SPIC: variants seen among roughly 807,000 people sequenced by gnomAD.
SPIC encodes Spi-C transcription factor.
Under a neutral mutation model 16.7 loss-of-function variants are expected in SPIC, and 9 were observed. That is an observed-to-expected ratio of 0.54 (90% confidence interval 0.33 to 0.94). The LOEUF (loss-of-function observed/expected upper bound fraction) is 0.94, where lower values mean the gene tolerates loss of function less well. SPIC is among the 40% of genes least tolerant of loss of function. The probability of loss-of-function intolerance (pLI) is 0.03; values close to 1 mark genes in which losing one functional copy is unlikely to be tolerated. For synonymous variants in SPIC, 97 were observed against 102.9 expected, an observed-to-expected ratio of 0.94 and a Z score of 0.35; for missense variants, 241 against 285.8, an observed-to-expected ratio of 0.84 and a Z score of 1.13.
At chr12:101,485,893 C>T (rs1025526729) in intron 5 of SPIC, among the ~76,000 whole-genome samples, 1 of 152,168 alleles carries the variant, frequency 6.6e-6, no homozygotes, top group Non-Finnish European at 1.5e-5. Flanking sequence ...CTCCTGGGTT[C>T]GAGGGAGAAT....
intron 3 of SPIC, among the ~76,000 whole-genome samples, chr12:101,478,193 A>G (rs1044906563): frequency 6.6e-6 from 1 of 151,396 alleles, no homozygotes; most frequent in South Asian, 2.1e-4. Flanking sequence ...CACCATGCCC[A>G]TCTAATTTTT....
intron 5 of SPIC, among the ~76,000 whole-genome samples, chr12:101,484,660 A>G (rs1230614629): frequency 2.6e-5 from 4 of 151,320 alleles, no homozygotes; most frequent in Admixed American, 2.0e-4. Context: ...AAATAATTAT[A>G]GGCCAGGCAT....
chr12:101,482,674 A>G, intron 4 of SPIC, 118 bp from the exon 5 acceptor site: 1 of 916,832 alleles, frequency 1.1e-6, no homozygotes, highest in East Asian at 2.5e-5. Context: ...GTTGGGGGTA[A>G]TTCCTTTTGC....
intron 4 of SPIC, among the ~76,000 whole-genome samples, chr12:101,482,255 AG>A (rs1218985567): frequency 1.3e-5 from 2 of 149,350 alleles, no homozygotes; most frequent in Non-Finnish European, 3.0e-5. Flanking sequence ...AAAATTGTAG[AG>A]GTGGGGTCTC....
chr12:101,480,821 A>C (rs1433026007), intron 4 of SPIC, among the ~76,000 whole-genome samples: 1 of 151,946 alleles, frequency 6.6e-6, no homozygotes, highest in Non-Finnish European at 1.5e-5. Context: ...ACCCTGTCTC[A>C]AAAAAAAATT....
chr12:101,476,371 T>G (rs1236335469), intron 1 of SPIC, among the ~76,000 whole-genome samples: 2 of 152,164 alleles, frequency 1.3e-5, no homozygotes, highest in Admixed American at 6.5e-5. Context: ...ATTTGCAATA[T>G]AAGTCCAATT....
At chr12:101,482,998 C>A in intron 5 of SPIC, 98 bp downstream of exon 5, 1 of 1,044,172 alleles carries the variant, frequency 9.6e-7, no homozygotes, top group South Asian at 1.5e-5. Context: ...ATTGAATTTG[C>A]AAAATATTCT....
chr12:101,480,428 G>C (rs1257834932), intron 4 of SPIC, among the ~76,000 whole-genome samples: 1 of 152,166 alleles, frequency 6.6e-6, no homozygotes, highest in Non-Finnish European at 1.5e-5. Flanking sequence ...AGTGTTATCT[G>C]CATGTATTGG....
chr12:101,475,590 G>A (rs1034215055), intron 1 of SPIC, 88 bp downstream of exon 1: 6 of 151,988 alleles, frequency 3.9e-5, no homozygotes, highest in Admixed American at 1.3e-4. Flanking sequence ...CACTGTCTGC[G>A]TGTTCAGATG....
intron 4 of SPIC, among the ~76,000 whole-genome samples, chr12:101,479,984 CT>C (rs1237288330): frequency 6.6e-6 from 1 of 151,920 alleles, no homozygotes; most frequent in Non-Finnish European, 1.5e-5. Context: ...GCCCAGTTAA[CT>C]TCTGTATTTT....
chr12:101,479,278 GAAAGAAAAAGAAAGAAAGAAAGAAAGA>G (rs1873094996), intron 3 of SPIC, among the ~76,000 whole-genome samples: 8 of 60,224 alleles, frequency 1.3e-4, no homozygotes, highest in South Asian at 6.0e-4. Flanking sequence ...AAGAAAGAAA[GAAAGAAAAAGAAAGAAAGAAAGAAAGA>G]AAAAAGAAAG....
At position 101,477,752 on chromosome 12, in the gene SPIC, C is replaced by T. The variant is rs148217204; in HGVS notation, c.97+101C>T. ...GATCAGCTGACCAGGTGCTGTGGCT[C>T]ACATCTGTAATCCCAGCACTTTGGG... On this transcript the variant is annotated intron_variant, in intron 3 of 5. Transcript: ENST00000551346. The T allele has an allele frequency of 1.2e-3, 1,273 of 1,057,442 alleles. 13 individuals carry two copies. In the African/African-American group the frequency reaches 0.017, roughly 14 times the overall value. 65.5% of individuals were successfully genotyped at this position (1,057,442 alleles called of 1,614,324 possible).
intron 4 of SPIC, among the ~76,000 whole-genome samples, chr12:101,482,249 T>C (rs998459232): frequency 1.4e-4 from 21 of 145,228 alleles, no homozygotes; most frequent in Admixed American, 1.1e-3. Flanking sequence ...AAAAAAAAAA[T>C]TGTAGAGGTG....
At chr12:101,485,858 A>T (rs994061966) in intron 5 of SPIC, among the ~76,000 whole-genome samples, 1 of 152,206 alleles carries the variant, frequency 6.6e-6, no homozygotes, top group Admixed American at 6.5e-5. Flanking sequence ...ATCTCGGCTC[A>T]CTGCAGCCTC....
In SPIC at chr12:101,486,844, C is replaced by CT; in HGVS notation, c.*80dup. On this transcript the variant is annotated 3_prime_UTR_variant, in exon 6 of 6. Coordinates refer to ENST00000551346, the MANE Select transcript of SPIC (RefSeq NM_152323.3). ...GTTTTAATGATTTCTCCCTCCCTCT[C>CT]TTTTTTTCCTCCTCTGAAGAAATTT... 1.6e-6 allele frequency: 2 copies of CT among 1,272,200 alleles called. No individual in the cohort carries two copies. The highest frequency in any genetic ancestry group is 2.1e-6 in the Non-Finnish European group (2 of 945,804). 78.8% of individuals were successfully genotyped at this position (1,272,200 alleles called of 1,614,324 possible).
intron 3 of SPIC, among the ~76,000 whole-genome samples, chr12:101,479,242 A>AGGAAGG (rs1286145762): frequency 2.2e-5 from 1 of 44,982 alleles, no homozygotes; most frequent in Non-Finnish European, 5.5e-5. Context: ...GAAAGAAAGA[A>AGGAAGG]AAAGAAAGAA....
intron 1 of SPIC, 137 bp from the exon 2 acceptor site, chr12:101,476,691 T>C: frequency 2.9e-6 from 1 of 344,378 alleles, no homozygotes; most frequent in Non-Finnish European, 5.3e-6. Flanking sequence ...AAAAAATTTG[T>C]ACTCATCAAA....
chr12:101,486,921 T>C lies in SPIC; in HGVS notation c.*150T>C. 1 of 639,648 alleles carries C rather than the reference T, an allele frequency of 1.6e-6. No homozygotes were observed. The highest frequency in any genetic ancestry group is 3.5e-5 in the Admixed American group (1 of 28,344). The allele number at this position is 639,648 out of a possible 1,614,324, so 39.6% of individuals were successfully genotyped here. ...AAAGAGGAAAAAAAATTAACTTTAT[T>C]GTTGCTTTTATCAAAGAGTATGTAA... is the stretch of plus-strand genomic sequence containing the variant. On this transcript the variant is annotated 3_prime_UTR_variant, in exon 6 of 6. Coordinates refer to ENST00000551346, the MANE Select transcript of SPIC (RefSeq NM_152323.3).
chr12:101,481,446 C>T (rs949833850), intron 4 of SPIC, among the ~76,000 whole-genome samples: 36 of 151,996 alleles, frequency 2.4e-4, no homozygotes, highest in Admixed American at 1.8e-3. Context: ...TGGGTTCAAG[C>T]GATTCTCCTG....
Sources: allele counts gnomAD v4.1 joint callset (sites outside exome capture counted in the v4.1 genomes callset), GRCh38; gene constraint gnomAD v4.1.1; transcripts MANE v1.5; gene names NCBI Gene and HGNC (gene_info 2026-07-23, HGNC 2026-07-21).